ELP4: variants seen among roughly 807,000 people sequenced by gnomAD.
ELP4 encodes the protein elongator acetyltransferase complex subunit 4.
Under a neutral mutation model 48.9 loss-of-function variants are expected in ELP4, and 51 were observed. The ratio of observed to expected loss-of-function variants is 1.04; its 90% CI spans 0.83 to 1.32. The LOEUF is 1.32. Ranked by LOEUF, ELP4 falls within the 40% of genes most tolerant of loss-of-function variation. The probability of loss-of-function intolerance (pLI) is 0.00; values close to 1 mark genes in which losing one functional copy is unlikely to be tolerated. For missense variants in ELP4, 519 were observed against 514.6 expected, an observed-to-expected ratio of 1.01 and a Z score of -0.08; for synonymous variants, 210 against 189.2, an observed-to-expected ratio of 1.11 and a Z score of -0.90.
At chr11:31,547,345 A>C (rs1202270149) in intron 3 of ELP4, among the ~76,000 whole-genome samples, 2 of 152,190 alleles carry the variant, frequency 1.3e-5, no homozygotes, top group Non-Finnish European at 2.9e-5. Context: ...CCATCAGAGA[A>C]TACTACAAAC....
At chr11:31,667,702 A>T (rs1182313276) in intron 9 of ELP4, among the ~76,000 whole-genome samples, 2 of 152,188 alleles carry the variant, frequency 1.3e-5, no homozygotes, top group East Asian at 3.8e-4. Flanking sequence ...GGTGAACTGC[A>T]TAATATAATC....
At chr11:31,656,652 TATTTAGA>T (rs1945441442) in intron 9 of ELP4, among the ~76,000 whole-genome samples, 1 of 152,018 alleles carries the variant, frequency 6.6e-6, no homozygotes. Context: ...CAAAGTCAAA[TATTTAGA>T]ATCTTACTAA....
chr11:31,658,902 CT>C (rs1235080779), intron 9 of ELP4, among the ~76,000 whole-genome samples: 1 of 151,884 alleles, frequency 6.6e-6, no homozygotes, highest in Non-Finnish European at 1.5e-5. Context: ...CTATTTTTCT[CT>C]TTTGCAAAAA....
intron 9 of ELP4, among the ~76,000 whole-genome samples, chr11:31,719,010 G>A (rs1039610053): frequency 3.3e-5 from 5 of 152,128 alleles, no homozygotes; most frequent in African/African-American, 9.7e-5. Context: ...TGTAATCCTA[G>A]TACTTTGGGA....
At chr11:31,672,715 G>A (rs1465223455) in intron 9 of ELP4, among the ~76,000 whole-genome samples, 1 of 152,072 alleles carries the variant, frequency 6.6e-6, no homozygotes, top group East Asian at 1.9e-4. Context: ...CCTGAGCCCG[G>A]GAGGTCAAGG....
chr11:31,624,025 C>G (rs1210393697), intron 5 of ELP4, among the ~76,000 whole-genome samples: 1 of 151,698 alleles, frequency 6.6e-6, no homozygotes, highest in Non-Finnish European at 1.5e-5. Context: ...CACCTCACAC[C>G]TGTTAGAATG....
chr11:31,629,444 A>G (rs1223938183), intron 6 of ELP4, among the ~76,000 whole-genome samples: 1 of 151,972 alleles, frequency 6.6e-6, no homozygotes, highest in Non-Finnish European at 1.5e-5. Flanking sequence ...GTGAAGTATT[A>G]TGTTCAATTA....
chr11:31,756,614 T>C (rs962137500), intron 9 of ELP4, among the ~76,000 whole-genome samples: 7 of 152,194 alleles, frequency 4.6e-5, no homozygotes, highest in Non-Finnish European at 4.4e-5. Context: ...AAGGATTACT[T>C]GAATCTCCAG....
chr11:31,652,460 A>C (rs1377693504), intron 9 of ELP4: 1 of 151,706 alleles, frequency 6.6e-6, no homozygotes, highest in Admixed American at 6.6e-5. Flanking sequence ...AAGTCTTTGT[A>C]ATATATTAAA....
intron 9 of ELP4, among the ~76,000 whole-genome samples, chr11:31,686,328 G>GTTT (rs376488709): frequency 8.2e-6 from 1 of 122,518 alleles, no homozygotes; most frequent in African/African-American, 3.0e-5. Context: ...TTGTGGGTTG[G>GTTT]TTTTTTTTTT....
intron 9 of ELP4, among the ~76,000 whole-genome samples, chr11:31,760,824 G>T (rs953198895): frequency 1.1e-4 from 16 of 152,144 alleles, no homozygotes; most frequent in African/African-American, 3.9e-4. Flanking sequence ...CCAGAATGTT[G>T]TATGTTTCTG....
At chr11:31,603,685 C>G in intron 4 of ELP4, 83 bp from the exon 5 acceptor site, 1 of 1,397,994 alleles carries the variant, frequency 7.2e-7, no homozygotes, top group South Asian at 1.4e-5. Flanking sequence ...CATAAATATG[C>G]CATTGTTTTG....
chr11:31,518,008 A>G (rs971406577), intron 1 of ELP4, among the ~76,000 whole-genome samples: 1 of 152,216 alleles, frequency 6.6e-6, no homozygotes, highest in African/African-American at 2.4e-5. Context: ...TGTGTTTGAG[A>G]CATTAATCAA....
At chr11:31,607,003 C>G (rs1957887686) in intron 5 of ELP4, among the ~76,000 whole-genome samples, 1 of 151,992 alleles carries the variant, frequency 6.6e-6, no homozygotes, top group Admixed American at 6.6e-5. Flanking sequence ...AGGGTGGGAC[C>G]CTGGTGTGAT....
intron 9 of ELP4, among the ~76,000 whole-genome samples, chr11:31,679,676 A>G (rs897239799): frequency 1.3e-5 from 2 of 152,190 alleles, no homozygotes; most frequent in Non-Finnish European, 2.9e-5. Flanking sequence ...GGGCTTTACC[A>G]TATGAATTTT....
intron 9 of ELP4, among the ~76,000 whole-genome samples, chr11:31,693,586 A>T (rs1331749366): frequency 6.6e-6 from 1 of 152,210 alleles, no homozygotes; most frequent in Admixed American, 6.5e-5. Flanking sequence ...GTTGGTTCCA[A>T]GTCTTTCCTA....
At chr11:31,701,370 T>A (rs1398668373) in intron 9 of ELP4, among the ~76,000 whole-genome samples, 1 of 152,108 alleles carries the variant, frequency 6.6e-6, no homozygotes, top group Non-Finnish European at 1.5e-5. Flanking sequence ...TTGCTCTTAT[T>A]CTTTAATTCC....
chr11:31,580,751 G>A (rs1037599388), intron 3 of ELP4: 1 of 152,344 alleles, frequency 6.6e-6, no homozygotes, highest in Non-Finnish European at 1.5e-5. Context: ...CCTGCCTCCA[G>A]GACTCAAGAG....
chr11:31,638,875 T>A (rs1361510381), intron 7 of ELP4, among the ~76,000 whole-genome samples: 1 of 151,920 alleles, frequency 6.6e-6, no homozygotes, highest in East Asian at 1.9e-4. Context: ...TCTCTCAGTG[T>A]GAAATCTTTT....
Sources: gnomAD v4.1 joint callset for allele counts (sites outside exome capture counted in the v4.1 genomes callset) on GRCh38, gnomAD v4.1.1 for gene constraint, MANE v1.5 for transcripts, NCBI Gene and HGNC (gene_info 2026-07-23, HGNC 2026-07-21) for gene names.